FYB1: variants seen among roughly 807,000 people sequenced by gnomAD.
FYB1 encodes FYN binding protein 1, also known as FYN-binding protein 1.
Under a neutral mutation model 94.1 loss-of-function variants are expected in FYB1, and 41 were observed. That is an observed-to-expected ratio of 0.44 (90% CI 0.34 to 0.57). FYB1 has a LOEUF of 0.57. Among genes scored for constraint, FYB1 ranks in the 20% least tolerant of loss-of-function variants. The probability of loss-of-function intolerance (pLI) is 0.02; values close to 1 mark genes in which losing one functional copy is unlikely to be tolerated. For synonymous variants in FYB1, 367 were observed against 353.2 expected, an observed-to-expected ratio of 1.04 and a Z score of -0.44; for missense variants, 1,050 against 976.8, an observed-to-expected ratio of 1.07 and a Z score of -1.00.
intron 3 of FYB1, among the ~76,000 whole-genome samples, chr5:39,146,323 A>G (rs1438490797): frequency 2.0e-5 from 3 of 152,046 alleles, no homozygotes; most frequent in Non-Finnish European, 2.9e-5. Context: ...CCATTCATCC[A>G]TTATAGTGAT....
chr5:39,204,247 TG>T (rs1027636189), intron 1 of FYB1, among the ~76,000 whole-genome samples: 11 of 152,172 alleles, frequency 7.2e-5, no homozygotes, highest in Non-Finnish European at 1.2e-4. Flanking sequence ...TACCATTTAG[TG>T]GGGGGTAAAT....
intron 2 of FYB1, among the ~76,000 whole-genome samples, chr5:39,185,418 T>G (rs1746654919): frequency 6.6e-6 from 1 of 151,522 alleles, no homozygotes; most frequent in African/African-American, 2.4e-5. Context: ...CTTAGATATG[T>G]GATTAAAAGT....
At chr5:39,148,381 GTTTTTTTTTTTTTTTTTT>G (rs538508812) in intron 3 of FYB1, among the ~76,000 whole-genome samples, 29 of 38,174 alleles carry the variant, frequency 7.6e-4, no homozygotes, top group South Asian at 3.2e-3. Flanking sequence ...TTATCAGCAG[GTTTTTTTTTTTTTTTTTT>G]TTTTTTTTTT....
At chr5:39,262,214 C>A (rs1752254334) in intron 1 of FYB1, among the ~76,000 whole-genome samples, 1 of 151,162 alleles carries the variant, frequency 6.6e-6, no homozygotes, top group African/African-American at 2.4e-5. Flanking sequence ...TAAAAAGAAG[C>A]CATAGACTGG....
At chr5:39,140,945 G>A in intron 4 of FYB1, 150 bp downstream of exon 4, 1 of 619,762 alleles carries the variant, frequency 1.6e-6, no homozygotes, top group Non-Finnish European at 2.9e-6. Context: ...TGAGTCATGA[G>A]GATAAGAGGG....
At chr5:39,187,828 G>T (rs1561233885) in intron 2 of FYB1, among the ~76,000 whole-genome samples, 1 of 103,830 alleles carries the variant, frequency 9.6e-6, no homozygotes, top group Non-Finnish European at 2.0e-5. Flanking sequence ...CATACCACCA[G>T]TAGTGCTAAG....
chr5:39,145,354 T>C (rs546751418), intron 3 of FYB1, among the ~76,000 whole-genome samples: 12 of 152,274 alleles, frequency 7.9e-5, no homozygotes, highest in East Asian at 3.9e-4. Context: ...AAAATGAAAT[T>C]AAATATGTTA....
intron 7 of FYB1, among the ~76,000 whole-genome samples, chr5:39,135,392 GGA>G (rs1741595456): frequency 6.6e-6 from 1 of 152,194 alleles, no homozygotes; most frequent in South Asian, 2.1e-4. Flanking sequence ...TTCAGAAGAT[GGA>G]GTTTTTTCCC....
chr5:39,221,179 T>A (rs1050459899), upstream of FYB1, among the ~76,000 whole-genome samples: 4 of 152,164 alleles, frequency 2.6e-5, no homozygotes, highest in African/African-American at 9.7e-5. Flanking sequence ...TCTTGGTGTG[T>A]CCTAAAAGAG....
intron 1 of FYB1, among the ~76,000 whole-genome samples, chr5:39,268,761 C>T (rs1386928890): frequency 1.3e-5 from 2 of 152,066 alleles, no homozygotes; most frequent in African/African-American, 4.8e-5. Flanking sequence ...GACGGGGTTT[C>T]ATCATGTTGG....
rs762260108 is a variant in FYB1, at chr5:39,248,453, G to A, written c.-28+25950C>T. Reference sequence around the variant, plus strand: ...TGACACTTAGGCTGGGCTTGGTGGTGCCAGCACTTTGGGGGTCAGAAATTA... The same window carrying A: ...TGACACTTAGGCTGGGCTTGGTGGTACCAGCACTTTGGGGGTCAGAAATTA... On this transcript the variant is annotated intron_variant, in intron 1 of 1. Coordinates refer to the FYB1 transcript ENST00000510188. 7.4e-4 allele frequency among the ~76,000 whole-genome samples: 112 copies of A among 152,292 alleles called. 1 individual carries two copies. In the Middle Eastern group the frequency reaches 0.014, roughly 19 times the overall value.
At chr5:39,260,297 T>C (rs1387238652) in intron 1 of FYB1, among the ~76,000 whole-genome samples, 1 of 152,168 alleles carries the variant, frequency 6.6e-6, no homozygotes, top group Non-Finnish European at 1.5e-5. Context: ...TAAATAAAGT[T>C]TTATTGGAGC....
At chr5:39,226,439 G>A (rs1235149081) in intron 1 of FYB1, among the ~76,000 whole-genome samples, 5 of 151,756 alleles carry the variant, frequency 3.3e-5, no homozygotes, top group Admixed American at 6.6e-5. Context: ...ACATACAAGC[G>A]TTTCCTTCAT....
chr5:39,148,381 GTTTTTTTTTTTTTT>G (rs538508812), intron 3 of FYB1, among the ~76,000 whole-genome samples: 1,352 of 38,194 alleles, frequency 0.035, 60 homozygotes, highest in African/African-American at 0.091. Flanking sequence ...TTATCAGCAG[GTTTTTTTTTTTTTT>G]TTTTTTTTTT....
In FYB1 at chr5:39,141,149, C is replaced by T. The variant is rs760307729; in HGVS notation, c.1293-8G>A. On this transcript the variant is annotated splice_polypyrimidine_tract_variant and splice_region_variant and intron_variant, in intron 3 of 18. Transcript: ENST00000512982. ...TCTTCATTGACAGGGCTTCTGAAAA[C>T]GAGAAAGAAGAAACAGTGAACATGG... 1.8e-5 allele frequency: 28 copies of T among 1,581,612 alleles called. No homozygotes were observed. The highest frequency in any genetic ancestry group is 6.9e-5 in the South Asian group (6 of 86,964).
intron 16 of FYB1, 77 bp from the exon 17 acceptor site, chr5:39,110,466 A>G: frequency 1.1e-6 from 1 of 909,766 alleles, no homozygotes; most frequent in South Asian, 1.6e-5. Context: ...AGGAAATCAA[A>G]ACACAAGAGA....
chr5:39,176,235 C>T (rs1404065649), intron 2 of FYB1, among the ~76,000 whole-genome samples: 2 of 150,188 alleles, frequency 1.3e-5, no homozygotes, highest in Non-Finnish European at 3.0e-5. Flanking sequence ...ACTGCAACCC[C>T]CACCTCCTGG....
chr5:39,238,942 C>T (rs1047122546), intron 1 of FYB1, among the ~76,000 whole-genome samples: 6 of 152,048 alleles, frequency 3.9e-5, no homozygotes, highest in Non-Finnish European at 8.8e-5. Flanking sequence ...GGCCACCTGA[C>T]TTGCTCATGG....
Position 39,110,671 on chromosome 5 carries a change from G to T in FYB1, c.2402-282C>A, listed in dbSNP as rs535955519. ...ATAAAAAAGCAACTTTTTTCATTAA[G>T]CTACTGTAGGCTGTAGCACAGAGTT... On this transcript the variant is annotated intron_variant, in intron 16 of 18. Coordinates refer to ENST00000512982, the MANE Select transcript of FYB1 (RefSeq NM_001465.6). The T allele has an allele frequency of 1.3e-4, 40 of 296,298 alleles. No homozygotes were observed. In the South Asian group the frequency reaches 1.8e-3, roughly 13 times the overall value. The allele number at this position is 296,298 out of a possible 1,614,324, so 18.4% of individuals were successfully genotyped here.
Sources: allele counts gnomAD v4.1 joint callset (sites outside exome capture counted in the v4.1 genomes callset), GRCh38; gene constraint gnomAD v4.1.1; transcripts MANE v1.5; gene names NCBI Gene and HGNC (gene_info 2026-07-23, HGNC 2026-07-21).